Variants in DEUP1 observed in about 807,000 individuals in gnomAD.
DEUP1 encodes the protein coiled-coil domain containing 67.
In DEUP1, 82 loss-of-function variants were observed where a neutral mutation model predicts 87.4. That is an observed-to-expected ratio of 0.94 (90% confidence interval 0.78 to 1.13). The LOEUF (loss-of-function observed/expected upper bound fraction) is 1.13, where lower values mean the gene tolerates loss of function less well. Among genes scored for constraint, DEUP1 ranks in the 50% most tolerant of loss-of-function variants. The pLI, the probability that DEUP1 is intolerant of heterozygous loss-of-function variation, is 0.00. For missense variants in DEUP1, 663 were observed against 681.5 expected (o/e 0.97, Z 0.30); for synonymous variants, 214 against 222.7 (o/e 0.96, Z 0.35).
At chr11:93,380,139 A>G (rs1262069480) in intron 7 of DEUP1, among the ~76,000 whole-genome samples, 1 of 152,188 alleles carries the variant, frequency 6.6e-6, no homozygotes, top group Non-Finnish European at 1.5e-5. Flanking sequence ...AACACCCTAC[A>G]GTGCACAAGA....
intron 8 of DEUP1, 91 bp downstream of exon 8, chr11:93,385,634 A>G: frequency 1.1e-5 from 11 of 1,017,542 alleles, no homozygotes; most frequent in South Asian, 1.9e-5. Context: ...ATGAGAATAT[A>G]AAGTCTATTT....
intron 11 of DEUP1, among the ~76,000 whole-genome samples, chr11:93,406,243 C>T (rs1483099632): frequency 6.6e-6 from 1 of 151,822 alleles, no homozygotes; most frequent in African/African-American, 2.4e-5. Context: ...GGTAGTGAAA[C>T]TTCATAAGGA....
At chr11:93,391,826 A>G (rs1946774614) in intron 9 of DEUP1, among the ~76,000 whole-genome samples, 1 of 152,218 alleles carries the variant, frequency 6.6e-6, no homozygotes, top group South Asian at 2.1e-4. Context: ...TTATTTCATC[A>G]AATAAATTGG....
At chr11:93,390,472 C>T (rs990475599) in intron 9 of DEUP1, among the ~76,000 whole-genome samples, 2 of 152,148 alleles carry the variant, frequency 1.3e-5, no homozygotes, top group African/African-American at 4.8e-5. Flanking sequence ...ATATTTTGAA[C>T]ACTTTAATGC....
intron 2 of DEUP1, 75 bp from the exon 3 acceptor site, chr11:93,355,296 A>G: frequency 8.1e-7 from 1 of 1,239,086 alleles, no homozygotes; most frequent in South Asian, 1.3e-5. Context: ...CAAGCTATGC[A>G]GAGCAATGTA....
chr11:93,345,976 T>G (rs970340422), intron 2 of DEUP1, among the ~76,000 whole-genome samples: 24 of 152,042 alleles, frequency 1.6e-4, no homozygotes, highest in African/African-American at 5.5e-4. Context: ...TTCCAGGGTT[T>G]TTACAGTTTG....
intron 2 of DEUP1, among the ~76,000 whole-genome samples, chr11:93,345,584 G>A (rs1473376223): frequency 1.3e-5 from 2 of 152,088 alleles, no homozygotes; most frequent in East Asian, 3.9e-4. Context: ...TCATTATGGT[G>A]TTAACTGACA....
intron 4 of DEUP1, among the ~76,000 whole-genome samples, chr11:93,362,726 T>C (rs1254814181): frequency 6.6e-6 from 1 of 151,840 alleles, no homozygotes; most frequent in African/African-American, 2.4e-5. Flanking sequence ...AAAACATGTA[T>C]CTACACAAAA....
chr11:93,376,222 G>T (rs952056852), intron 7 of DEUP1, among the ~76,000 whole-genome samples: 1 of 152,134 alleles, frequency 6.6e-6, no homozygotes, highest in East Asian at 1.9e-4. Context: ...GGCATTACAG[G>T]CATGAGCCAC....
intron 2 of DEUP1, among the ~76,000 whole-genome samples, chr11:93,349,026 C>A (rs1241623891): frequency 6.6e-6 from 1 of 152,126 alleles, no homozygotes; most frequent in Non-Finnish European, 1.5e-5. Context: ...TTTAGGAAGA[C>A]CTCTGTGATA....
intron 7 of DEUP1, among the ~76,000 whole-genome samples, chr11:93,376,856 A>G (rs893419096): frequency 2.0e-5 from 3 of 152,150 alleles, no homozygotes; most frequent in Admixed American, 1.3e-4. Flanking sequence ...TTTAATTTCC[A>G]TCTTGATTTC....
intron 4 of DEUP1, 79 bp downstream of exon 4, chr11:93,357,122 C>A: frequency 1.2e-6 from 1 of 843,258 alleles, no homozygotes; most frequent in Non-Finnish European, 1.9e-6. Context: ...TAACTTTAAA[C>A]TGTTTTCAGT....
chr11:93,414,170 T>C (rs1413453898), intron 12 of DEUP1, among the ~76,000 whole-genome samples: 1 of 152,120 alleles, frequency 6.6e-6, no homozygotes, highest in African/African-American at 2.4e-5. Flanking sequence ...ATGGTGTAAA[T>C]TGAAAGCATG....
chr11:93,363,289 A>G (rs531190769), intron 4 of DEUP1, among the ~76,000 whole-genome samples: 3 of 151,844 alleles, frequency 2.0e-5, no homozygotes, highest in Non-Finnish European at 3.0e-5. Flanking sequence ...AGAATAGTCT[A>G]TATCTAGATT....
intron 7 of DEUP1, among the ~76,000 whole-genome samples, chr11:93,371,780 C>T (rs1199849519): frequency 6.6e-6 from 1 of 152,130 alleles, no homozygotes; most frequent in Non-Finnish European, 1.5e-5. Context: ...TTCACATTGA[C>T]AAATATGATT....
intron 13 of DEUP1, among the ~76,000 whole-genome samples, chr11:93,434,209 A>C (rs2134515592): frequency 6.6e-6 from 1 of 152,180 alleles, no homozygotes; most frequent in African/African-American, 2.4e-5. Flanking sequence ...TTCTGGAAAA[A>C]CTGTTGAGAG....
chr11:93,363,746 T>C (rs1196589340), intron 4 of DEUP1, among the ~76,000 whole-genome samples: 2 of 152,066 alleles, frequency 1.3e-5, no homozygotes. Context: ...AATTAATACA[T>C]ATTCTGTTTT....
At position 93,367,854 on chromosome 11, in the gene DEUP1, C is replaced by T. The variant is rs939268401; in HGVS notation, c.433-2219C>T. Among the ~76,000 whole-genome samples the T allele has an allele frequency of 1.3e-5, 2 of 152,238 alleles. 1 individual carries two copies. The highest frequency in any genetic ancestry group is 4.8e-5 in the African/African-American group (2 of 41,530). On this transcript the variant is annotated intron_variant, in intron 5 of 13. Coordinates refer to ENST00000298050, the MANE Select transcript of DEUP1 (RefSeq NM_181645.4). ...AGAATGTTTAAATTCTAGGAAATGC[C>T]AATACTGTACCATGTTTTTGTTCGT...
At chr11:93,426,989 T>A (rs1591270441) in intron 13 of DEUP1, among the ~76,000 whole-genome samples, 2 of 5,188 alleles carry the variant, frequency 3.9e-4, no homozygotes, top group African/African-American at 1.4e-3. Flanking sequence ...AAACTTAGAG[T>A]ATAATAAAAA....
Sources: gnomAD v4.1 joint callset for allele counts (sites outside exome capture counted in the v4.1 genomes callset) on GRCh38, gnomAD v4.1.1 for gene constraint, MANE v1.5 for transcripts, NCBI Gene and HGNC (gene_info 2026-07-23, HGNC 2026-07-21) for gene names.